Variants in SSX1 observed in about 807,000 individuals in gnomAD.
SSX1 encodes the protein protein SSX1.
In SSX1, 58 loss-of-function variants were observed where a neutral mutation model predicts 14.6. The ratio of observed to expected loss-of-function variants is 3.96; its 90% CI spans 3.21 to 4.93. The LOEUF is 4.93. Ranked by LOEUF, SSX1 falls within the 30% of genes most tolerant of loss-of-function variation. The pLI is 0.00. For synonymous variants in SSX1, 46 were observed against 52.1 expected (o/e 0.88, Z 0.50); for missense variants, 272 against 143.1 (o/e 1.90, Z -4.60).
At chrX:48,262,129 G>T (rs1162019637) in intron 5 of SSX1, among the ~76,000 whole-genome samples, 1 of 112,233 alleles carries the variant, frequency 8.9e-6, no homozygotes, top group African/African-American at 3.2e-5. Context: ...CACTTCGGTT[G>T]TCATCCATAT....
chrX:48,260,315 T>C (rs1186859010), intron 4 of SSX1, among the ~76,000 whole-genome samples: 1 of 110,746 alleles, frequency 9.0e-6, no homozygotes, highest in Non-Finnish European at 1.9e-5. Context: ...TTTTTTCTTG[T>C]AAATTTGTTT....
intron 5 of SSX1, 29 bp from the exon 6 acceptor site, chrX:48,263,753 T>A (rs370422714): frequency 1.7e-5 from 21 of 1,207,586 alleles, no homozygotes; most frequent in Non-Finnish European, 1.9e-5. Flanking sequence ...TCACTGATAC[T>A]GTTTATCTGT....
At chrX:48,264,926 C>T (rs1272728188) in intron 6 of SSX1, among the ~76,000 whole-genome samples, 1 of 112,599 alleles carries the variant, frequency 8.9e-6, no homozygotes, top group East Asian at 2.8e-4. Flanking sequence ...TTTGCTGCTA[C>T]ACCTTGCACT....
At position 48,259,904 on chromosome X, in the gene SSX1, A is replaced by G. The variant is rs1556935215; in HGVS notation, c.280+1273A>G. On this transcript the variant is annotated intron_variant, in intron 4 of 7. Coordinates refer to ENST00000376919, the MANE Select transcript of SSX1 (RefSeq NM_005635.4). ...CTTTGCTATTGTGAATAGTGCCACA[A>G]TAAACATATGTGTGCATGTGTCTTT... Among the ~76,000 whole-genome samples, 5 of 104,561 alleles carry G rather than the reference A, an allele frequency of 4.8e-5. No individual in the cohort carries two copies. The South Asian group carries it at 1.7e-3, about 36-fold the overall frequency. 90.8% of individuals were successfully genotyped at this position (104,561 alleles called of 115,157 possible).
chrX:48,262,783 TC>T (rs2059609125), intron 5 of SSX1, among the ~76,000 whole-genome samples: 1 of 111,986 alleles, frequency 8.9e-6, no homozygotes, highest in African/African-American at 3.2e-5. Context: ...GAGAGGATTT[TC>T]CCTTAGCTTA....
At chrX:48,256,580 C>T (rs1556934423) in intron 1 of SSX1, among the ~76,000 whole-genome samples, 1 of 104,487 alleles carries the variant, frequency 9.6e-6, no homozygotes. Context: ...GGATTACAGG[C>T]ATGAGCCACT....
In SSX1 at chrX:48,257,831, A is replaced by G. The variant is rs782737750; in HGVS notation, c.155A>G (p.Lys52Arg). The G allele has an allele frequency of 5.8e-6, 7 of 1,201,019 alleles. No homozygotes were observed. The highest frequency in any genetic ancestry group is 2.2e-5 in the Admixed American group (1 of 45,244). The stretch of plus-strand genomic sequence containing the variant: ...GAGAAAATCAGCTATGTGTATATGA[A>G]GAGAAACTATAAGGCCATGACTAAA... ...YSEKISYVYMKRNYKAMTKLG... is the reference protein window; with the variant it reads ...YSEKISYVYMRRNYKAMTKLG... The change falls in exon 3 of 8, where the codon AAG becomes AGG. Residue 52 changes from lysine (K) to arginine (R), a missense_variant. Coordinates refer to ENST00000376919, the MANE Select transcript of SSX1 (RefSeq NM_005635.4).
Position 48,266,312 on chromosome X carries a change from G to A in SSX1, c.492G>A (p.Trp164Ter), listed in dbSNP as rs782636414. The A allele has an allele frequency of 3.3e-6, 4 of 1,209,890 alleles. No homozygotes were observed. The highest frequency in any genetic ancestry group is 4.3e-5 in the Admixed American group (2 of 45,981). The change falls in exon 7 of 8, where the codon TGG becomes TGA. Residue 164 changes from tryptophan to a stop codon, truncating the protein, a stop_gained. Coordinates refer to ENST00000376919, the MANE Select transcript of SSX1 (RefSeq NM_005635.4). LOFTEE classifies it high-confidence loss of function. Reference sequence around the variant, plus strand: ...GACCCAAAAGGGGGAAACATGCCTGGACCCACAGACTGCGTGAGAGAAAGC... The same window carrying A: ...GACCCAAAAGGGGGAAACATGCCTGAACCCACAGACTGCGTGAGAGAAAGC... ...RSGPKRGKHA[W>*]THRLRERKQL...
chrX:48,255,533 T>A (rs2059577371), intron 1 of SSX1, 101 bp downstream of exon 1: 1 of 109,545 alleles, frequency 9.1e-6, no homozygotes, highest in Non-Finnish European at 1.9e-5. Context: ...TCCGAAAATC[T>A]TGAGGACTGA....
intron 5 of SSX1, 131 bp from the exon 6 acceptor site, chrX:48,263,651 A>T: frequency 1.1e-6 from 1 of 921,740 alleles, no homozygotes; most frequent in Non-Finnish European, 1.5e-6. Flanking sequence ...TGTCTCATTT[A>T]GGCAAGTGTA....
In SSX1 at chrX:48,266,904, T is replaced by A; in HGVS notation, c.*55T>A. ...GATGAGAAGCAGAACGTGGTGACCT[T>A]TCACGAACATGGGCATGGCTGCGGC... On this transcript the variant is annotated 3_prime_UTR_variant, in exon 8 of 8. Transcript: ENST00000376919. 1 of 1,106,982 alleles carries A rather than the reference T, an allele frequency of 9.0e-7. No homozygotes were observed. The highest frequency in any genetic ancestry group is 1.2e-6 in the Non-Finnish European group (1 of 813,691). The allele number at this position is 1,106,982 out of a possible 1,213,427, so 91.2% of individuals were successfully genotyped here.
rs1869103607 is a variant in SSX1 at position 48,258,631 on chromosome X, G to A, written c.280G>A (p.Val94Ile). The stretch of plus-strand genomic sequence containing the variant: ...TAATGACCATAACCGCAGGATTCAG[G>A]GTGAGTAGATGGGAAGTGGCTGGAA... The part of the protein sequence containing the change: ...FDNDHNRRIQ[V>I]EHPQMTFGRL... Residue 94 changes from valine (V) to isoleucine (I), a missense_variant and splice_region_variant, in exon 4 of 8, where the codon GTT becomes ATT. By Grantham distance (29) the Val-to-Ile change is conservative. Coordinates refer to ENST00000376919, the MANE Select transcript of SSX1 (RefSeq NM_005635.4). 1 of 1,195,817 alleles carries A rather than the reference G, an allele frequency of 8.4e-7. No homozygotes were observed. The highest frequency in any genetic ancestry group is 1.8e-5 in the South Asian group (1 of 56,350).
At chrX:48,265,972 C>A (rs1259108773) in intron 6 of SSX1, among the ~76,000 whole-genome samples, 2 of 111,804 alleles carry the variant, frequency 1.8e-5, no homozygotes, top group Non-Finnish European at 3.8e-5. Context: ...TGCCATAAAA[C>A]AAGGTATGCC....
chrX:48,258,663 C>T (rs781825802), intron 4 of SSX1, 32 bp downstream of exon 4: 7 of 1,074,398 alleles, frequency 6.5e-6, no homozygotes, highest in Non-Finnish European at 9.0e-6. Flanking sequence ...GGAAAGGTCT[C>T]CTGAAGCCCA....
chrX:48,265,620 C>T (rs1483547733), intron 6 of SSX1, among the ~76,000 whole-genome samples: 2 of 111,243 alleles, frequency 1.8e-5, no homozygotes, highest in African/African-American at 3.3e-5. Context: ...ATAACTTAAT[C>T]GTACATTTAA....
At position 48,258,422 on chromosome X, in the gene SSX1, G is replaced by A; in HGVS notation, c.185-114G>A. On this transcript the variant is annotated intron_variant, in intron 3 of 7. Coordinates refer to ENST00000376919, the MANE Select transcript of SSX1 (RefSeq NM_005635.4). ...TTACACAGGCTCATCTTGAAATCCT[G>A]GCCTCAAACAATCCTCCTGCCTCAG... is the stretch of plus-strand genomic sequence containing the variant. 2 of 553,526 alleles carry A rather than the reference G, an allele frequency of 3.6e-6. 1 individual carries two copies. The highest frequency in any genetic ancestry group is 6.4e-6 in the Non-Finnish European group (2 of 311,250). The allele number at this position is 553,526 out of a possible 1,213,427, so 45.6% of individuals were successfully genotyped here.
chrX:48,263,943 C>T, intron 6 of SSX1, 26 bp downstream of exon 6: 1 of 1,204,556 alleles, frequency 8.3e-7, no homozygotes, highest in Non-Finnish European at 1.1e-6. Flanking sequence ...TTGGGAACAA[C>T]TTCTCTGGCT....
intron 1 of SSX1, among the ~76,000 whole-genome samples, chrX:48,255,931 A>G (rs1205025657): frequency 2.0e-4 from 15 of 74,970 alleles, no homozygotes; most frequent in Admixed American, 3.2e-4. Context: ...ACCAGGTTTC[A>G]CTATGTTGGC....
At chrX:48,256,383 G>A (rs1228174382) in intron 1 of SSX1, among the ~76,000 whole-genome samples, 6 of 102,892 alleles carry the variant, frequency 5.8e-5, no homozygotes, top group East Asian at 6.1e-4. Context: ...CAAGCGATCC[G>A]CCCCCCCTTG....
Sources: gnomAD v4.1 joint callset for allele counts (sites outside exome capture counted in the v4.1 genomes callset) on GRCh38, gnomAD v4.1.1 for gene constraint, MANE v1.5 for transcripts, NCBI Gene and HGNC (gene_info 2026-07-23, HGNC 2026-07-21) for gene names.